The following RIF1 variants were observed in gnomAD, a reference collection of about 807,000 sequenced individuals.
RIF1 encodes replication timing regulatory factor 1, also known as telomere-associated protein RIF1.
A neutral mutation model predicts 247.1 loss-of-function variants in RIF1; 45 were observed. The ratio of observed to expected loss-of-function variants is 0.18; its 90% CI spans 0.14 to 0.23. The LOEUF is 0.23. RIF1 is among the 10% of genes least tolerant of loss of function. RIF1 has a pLI of 1.00. For synonymous variants in RIF1, 1,087 were observed against 978.8 expected (o/e 1.11, Z -2.06); for missense variants, 2,967 against 2,862.5 (o/e 1.04, Z -0.83).
chr2:151,463,735 T>C lies in RIF1; in HGVS notation c.4215T>C (p.Val1405=), dbSNP rs772650087. The C allele has an allele frequency of 1.9e-6, 3 of 1,613,856 alleles. No individual in the cohort carries two copies. Among genetic ancestry groups the C allele is most frequent in the Non-Finnish European group, 2.5e-6 (3 of 1,179,996 alleles). ...AAATGGTAAATGAGGATAGTCAGGTTCAGATAACTCCAAATCAGAAAACCC... is the reference window on the plus strand; with the variant it reads ...AAATGGTAAATGAGGATAGTCAGGTCCAGATAACTCCAAATCAGAAAACCC... The part of the protein sequence containing the change: ...ADQMVNEDSQ[V]QITPNQKTLR... Residue 1405 remains valine (V), a synonymous_variant, in exon 30 of 36, where the codon GTT becomes GTC. Transcript: ENST00000444746.
At chr2:151,412,884 C>T (rs766440937) in intron 3 of RIF1, among the ~76,000 whole-genome samples, 5 of 152,084 alleles carry the variant, frequency 3.3e-5, no homozygotes, top group Non-Finnish European at 7.4e-5. Context: ...GTGTCACAGT[C>T]ATCAACATTT....
At chr2:151,482,795 T>C (rs776215105), downstream of RIF1, among the ~76,000 whole-genome samples, 5 of 152,174 alleles carry the variant, frequency 3.3e-5, no homozygotes, top group Non-Finnish European at 5.9e-5. Flanking sequence ...CAGTTTTGAA[T>C]AGTAGAGGTC....
Position 151,463,925 on chromosome 2 carries a change from AT to A in RIF1, c.4407del (p.Ile1469MetfsTer10). 6.2e-7 allele frequency: 1 copy of A among 1,613,502 alleles called. No individual in the cohort carries two copies. The highest frequency in any genetic ancestry group is 8.5e-7 in the Non-Finnish European group (1 of 1,179,882). On this transcript the variant is annotated frameshift_variant, in exon 30 of 36. Transcript: ENST00000444746. LOFTEE classifies it high-confidence loss of function. ...KDDVLPKQKL[I>X]AEQTLQENLI... is the part of the protein sequence containing the mutation. ...TGATGTGTTACCTAAACAAAAACTG[AT>A]TGCTGAACAAACTCTACAGGAGAAT... is the stretch of plus-strand genomic sequence containing the variant.
At chr2:151,507,096 T>A in intron 13 of RIF1, 1 of 848,214 alleles carries the variant, frequency 1.2e-6, no homozygotes, top group Non-Finnish European at 1.9e-6. Flanking sequence ...TGAAGAAAAT[T>A]AAAATCCTGT....
At chr2:151,487,390 G>C (rs1261415505) in intron 9 of RIF1, among the ~76,000 whole-genome samples, 2 of 152,138 alleles carry the variant, frequency 1.3e-5, no homozygotes, top group Non-Finnish European at 2.9e-5. Flanking sequence ...AAATTCACAT[G>C]CATATATTCA....
At chr2:151,447,675 T>TG (rs771524673) in intron 20 of RIF1, among the ~76,000 whole-genome samples, 11 of 152,280 alleles carry the variant, frequency 7.2e-5, no homozygotes, top group Admixed American at 3.3e-4. Context: ...CTTCCCGAGT[T>TG]GCTGGGACTA....
At chr2:151,466,196 G>A (rs1003010524) in intron 30 of RIF1, 76 bp downstream of exon 30, 11 of 767,426 alleles carry the variant, frequency 1.4e-5, no homozygotes, top group Non-Finnish European at 2.4e-5. Flanking sequence ...GACCTCTGGT[G>A]AATGACAAAA....
At chr2:151,461,023 C>A in intron 26 of RIF1, 115 bp from the exon 27 acceptor site, 1 of 947,106 alleles carries the variant, frequency 1.1e-6, no homozygotes, top group Non-Finnish European at 1.6e-6. Flanking sequence ...TGAGTATCAT[C>A]AACTTTCATA....
At chr2:151,435,765 TTG>T (rs951182389) in intron 11 of RIF1, among the ~76,000 whole-genome samples, 185 bp downstream of exon 11, 26 of 152,034 alleles carry the variant, frequency 1.7e-4, no homozygotes, top group Admixed American at 4.6e-4. Context: ...TTTCTGTTTT[TTG>T]TTTTTTTTTT....
At chr2:151,441,340 C>T (rs1168838388) in intron 15 of RIF1, among the ~76,000 whole-genome samples, 1 of 151,916 alleles carries the variant, frequency 6.6e-6, no homozygotes, top group African/African-American at 2.4e-5. Flanking sequence ...GCTTTGGGTA[C>T]CAGTATAATT....
At position 151,476,553 on chromosome 2, in the gene RIF1, A is replaced by T. The variant is rs1372106259; in HGVS notation, c.*1482A>T. ...ATCCTTGTGCCTCCTTAGCTCTCGT[A>T]TATTCAGGGATCTCTATAAAAGTTG... On this transcript the variant is annotated 3_prime_UTR_variant, in exon 36 of 36. Transcript: ENST00000444746. 1 of 152,134 alleles carries T rather than the reference A, an allele frequency of 6.6e-6. No individual in the cohort carries two copies. Among genetic ancestry groups the T allele is most frequent in the Non-Finnish European group, 1.5e-5 (1 of 68,002 alleles). The allele number at this position is 152,134 out of a possible 1,614,324, so 9.4% of individuals were successfully genotyped here.
At chr2:151,513,824 A>C in the RIF1 span, 17 of 673,346 alleles carry the variant, frequency 2.5e-5, no homozygotes, top group Non-Finnish European at 3.6e-5. Flanking sequence ...GCTACTCTTC[A>C]CCTTCGCTCT....
rs1395835491 is a variant in RIF1, at chr2:151,481,638, T to G, written c.*6567T>G. The G allele has an allele frequency of 6.6e-6, 1 of 152,246 alleles. No individual in the cohort carries two copies. Among genetic ancestry groups the G allele is most frequent in the African/African-American group, 2.4e-5 (1 of 41,460 alleles). 9.4% of individuals were successfully genotyped at this position (152,246 alleles called of 1,614,324 possible). A position where few individuals can be genotyped will look rare whatever the true frequency, so the allele number is the denominator to read the frequency against. ...GATAAGTCTTAAAAATGATTTAAGT[T>G]GAAGCCTAACAGAAGTACTTGTTCA... On this transcript the variant is annotated 3_prime_UTR_variant, in exon 36 of 36. Transcript: ENST00000444746.
In RIF1 at chr2:151,503,174, A is replaced by G; in HGVS notation, c.*850A>G. On this transcript the variant is annotated 3_prime_UTR_variant and NMD_transcript_variant, in exon 12 of 14. Coordinates refer to the RIF1 transcript ENST00000454583. ...GTCAAGTCACTGAAAATGTTCAAGT[A>G]TAATCGGAAATGTGAGTCATTTTGT... 3 of 606,172 alleles carry G rather than the reference A, an allele frequency of 4.9e-6. No individual in the cohort carries two copies. In the South Asian group the frequency reaches 6.4e-5, roughly 13 times the overall value. The allele number at this position is 606,172 out of a possible 1,614,324, so 37.5% of individuals were successfully genotyped here.
At chr2:151,410,327 G>T in intron 1 of RIF1, 87 bp from the exon 2 acceptor site, 1 of 1,003,170 alleles carries the variant, frequency 1.0e-6, no homozygotes, top group Non-Finnish European at 1.5e-6. Context: ...GCGGGCGTGC[G>T]GGTGTGAGGG....
chr2:151,499,031 T>TATAA (rs34484326), intron 10 of RIF1, among the ~76,000 whole-genome samples: 89,761 of 151,626 alleles, frequency 0.59, 26,949 homozygotes, highest in Admixed American at 0.7. Context: ...GCCAAAGCAG[T>TATAA]ATAAATGTGG....
chr2:151,458,759 G>A, intron 24 of RIF1, 52 bp from the exon 25 acceptor site: 1 of 989,886 alleles, frequency 1.0e-6, no homozygotes, highest in Non-Finnish European at 1.5e-6. Context: ...GATCATCAGT[G>A]TTCACCAGTA....
At chr2:151,458,226 A>ATTTTTTTTTTTTTTTTTTTTT (rs71403171) in intron 24 of RIF1, among the ~76,000 whole-genome samples, 2 of 99,176 alleles carry the variant, frequency 2.0e-5, no homozygotes, top group Non-Finnish European at 3.9e-5. Flanking sequence ...GAAATAGATG[A>ATTTTTTTTTTTTTTTTTTTTT]TTTTTTTTTT....
intron 20 of RIF1, among the ~76,000 whole-genome samples, chr2:151,449,205 CAT>C (rs1424317240): frequency 6.6e-6 from 1 of 152,124 alleles, no homozygotes; most frequent in African/African-American, 2.4e-5. Context: ...TGTATTGAAT[CAT>C]GTGTTTTTGG....
Sources: gnomAD v4.1 joint callset for allele counts (sites outside exome capture counted in the v4.1 genomes callset) on GRCh38, gnomAD v4.1.1 for gene constraint, MANE v1.5 for transcripts, NCBI Gene and HGNC (gene_info 2026-07-23, HGNC 2026-07-21) for gene names.